STAMBP: variants seen among roughly 807,000 people sequenced by gnomAD.
STAMBP encodes the protein STAM-binding protein.
Under a neutral mutation model 50.7 loss-of-function variants are expected in STAMBP, and 31 were observed. The observed-to-expected ratio is 0.61, with a 90% CI of 0.46 to 0.83. STAMBP has a LOEUF of 0.83. STAMBP is among the 40% of genes least tolerant of loss of function. The pLI, the probability that STAMBP is intolerant of heterozygous loss-of-function variation, is 0.00. For synonymous variants in STAMBP, 211 were observed against 192.4 expected, an observed-to-expected ratio of 1.10 and a Z score of -0.80; for missense variants, 472 against 518.9, an observed-to-expected ratio of 0.91 and a Z score of 0.88.
Position 73,850,304 on chromosome 2 carries a change from C to G in STAMBP, c.868-72C>G. ...ACTTGTATAGATGCTTACCTTTCCA[C>G]TGTCGGGATGGAGTGGAGCAGGGTT... is the stretch of plus-strand genomic sequence containing the variant. On this transcript the variant is annotated intron_variant, in intron 6 of 9. Transcript: ENST00000394070. The surrounding 1 kb of genome is among the most constrained non-coding windows in gnomAD (Gnocchi z 4.3). 1 of 1,529,082 alleles carries G rather than the reference C, an allele frequency of 6.5e-7. No homozygotes were observed. The highest frequency in any genetic ancestry group is 8.8e-7 in the Non-Finnish European group (1 of 1,136,382). 94.7% of individuals were successfully genotyped at this position (1,529,082 alleles called of 1,614,324 possible). A position where few individuals can be genotyped will look rare whatever the true frequency, so the allele number is the denominator to read the frequency against.
At chr2:73,842,350 A>C (rs1675508838) in intron 2 of STAMBP, among the ~76,000 whole-genome samples, 1 of 152,204 alleles carries the variant, frequency 6.6e-6, no homozygotes, top group South Asian at 2.1e-4. Context: ...ACATTAGGTG[A>C]ACTGGCATGT....
chr2:73,834,209 TAAAAAAA>T (rs1171586160), intron 2 of STAMBP, among the ~76,000 whole-genome samples: 13 of 8,542 alleles, frequency 1.5e-3, no homozygotes, highest in African/African-American at 4.3e-3. Context: ...GATCATGTCT[TAAAAAAA>T]AAAAAAAAAA....
chr2:73,848,175 T>C (rs1008372580), intron 5 of STAMBP, among the ~76,000 whole-genome samples: 1 of 152,116 alleles, frequency 6.6e-6, no homozygotes. Flanking sequence ...TTTTTTTTTT[T>C]AAATATGAAA....
At chr2:73,832,990 T>C (rs1473196727) in intron 2 of STAMBP, among the ~76,000 whole-genome samples, 1 of 152,184 alleles carries the variant, frequency 6.6e-6, no homozygotes, top group Non-Finnish European at 1.5e-5. Flanking sequence ...TTAACAGAGT[T>C]TAATCCAGTA....
At chr2:73,845,633 A>AT (rs944316554) in intron 4 of STAMBP, among the ~76,000 whole-genome samples, 21,280 of 136,560 alleles carry the variant, frequency 0.16, 3,015 homozygotes, top group African/African-American at 0.38. Flanking sequence ...TTTTCAAGCT[A>AT]TTTTTTTTTT....
At chr2:73,872,851 C>T (rs1470232285) in intron 10 of STAMBP, among the ~76,000 whole-genome samples, 1 of 152,118 alleles carries the variant, frequency 6.6e-6, no homozygotes, top group African/African-American at 2.4e-5. Flanking sequence ...ATCTAGAAAT[C>T]AAGTATGCAA....
chr2:73,854,350 C>G (rs1250657344), intron 7 of STAMBP, among the ~76,000 whole-genome samples: 1 of 152,202 alleles, frequency 6.6e-6, no homozygotes, highest in Non-Finnish European at 1.5e-5. Flanking sequence ...AGTTTAGAAT[C>G]ATTACTGTAC....
intron 7 of STAMBP, among the ~76,000 whole-genome samples, chr2:73,854,013 T>G (rs1333709990): frequency 6.6e-6 from 1 of 152,240 alleles, no homozygotes; most frequent in Non-Finnish European, 1.5e-5. Flanking sequence ...CATTCTTGTG[T>G]GTAGTTTTCT....
rs1678626256 is a variant in STAMBP, at chr2:73,863,979, A to G, written c.*1720A>G. 1 of 152,216 alleles carries G rather than the reference A, an allele frequency of 6.6e-6. No homozygotes were observed. The highest frequency in any genetic ancestry group is 1.5e-5 in the Non-Finnish European group (1 of 68,052). The allele number at this position is 152,216 out of a possible 1,614,324, so 9.4% of individuals were successfully genotyped here. On this transcript the variant is annotated 3_prime_UTR_variant, in exon 10 of 10. Transcript: ENST00000394070. ...AATAGCTTCCCATTGCTGAAAATCT[A>G]AATTTAGCTTTTAGTCAGAACTTTC...
intron 2 of STAMBP, among the ~76,000 whole-genome samples, chr2:73,841,991 A>G (rs1675450219): frequency 6.6e-6 from 1 of 152,102 alleles, no homozygotes; most frequent in Non-Finnish European, 1.5e-5. Context: ...TTTTACTTAT[A>G]AACTAGATTT....
At chr2:73,839,273 A>G (rs1192671202) in intron 2 of STAMBP, among the ~76,000 whole-genome samples, 3 of 152,216 alleles carry the variant, frequency 2.0e-5, no homozygotes, top group Non-Finnish European at 4.4e-5. Context: ...TAGAAGAAAG[A>G]GTTCAGCATA....
At chr2:73,842,710 T>C (rs895592001) in intron 2 of STAMBP, among the ~76,000 whole-genome samples, 1 of 152,206 alleles carries the variant, frequency 6.6e-6, no homozygotes, top group African/African-American at 2.4e-5. Context: ...AAAGTCACAA[T>C]TTCCAAGAAC....
In STAMBP at chr2:73,862,148, A is replaced by C. The variant is rs556705679; in HGVS notation, c.1219-55A>C. ...CAAGACCCTATATGAAGAAAAAAAA[A>C]AAAAAGACTTTTCAGAATTTTCTAG... On this transcript the variant is annotated intron_variant, in intron 9 of 9. Transcript: ENST00000394070. 1.2e-5 allele frequency: 19 copies of C among 1,547,794 alleles called. No individual in the cohort carries two copies. In the South Asian group the frequency reaches 1.9e-4, roughly 16 times the overall value.
chr2:73,845,270 T>C lies in STAMBP; in HGVS notation c.375+8T>C, dbSNP rs1675922387. On this transcript the variant is annotated splice_region_variant and intron_variant, in intron 4 of 9. Transcript: ENST00000394070. ...GAATATAATGAAGAAAAGGTCAGTA[T>C]ATAACAGCTAAGAAGAAAATTATTT... 1 of 1,582,740 alleles carries C rather than the reference T, an allele frequency of 6.3e-7. No individual in the cohort carries two copies. Among genetic ancestry groups the C allele is most frequent in the African/African-American group, 1.4e-5 (1 of 73,904 alleles).
chr2:73,833,566 C>T (rs1674222841), intron 2 of STAMBP, among the ~76,000 whole-genome samples: 1 of 152,046 alleles, frequency 6.6e-6, no homozygotes, highest in Non-Finnish European at 1.5e-5. Context: ...ATTGTTCTCT[C>T]AGAATGAAAC....
chr2:73,829,467 G>T lies in STAMBP; in HGVS notation c.-56G>T, dbSNP rs1415295624. 1 of 152,216 alleles carries T rather than the reference G, an allele frequency of 6.6e-6. No individual in the cohort carries two copies. The highest frequency in any genetic ancestry group is 1.5e-5 in the Non-Finnish European group (1 of 68,086). 9.4% of individuals were successfully genotyped at this position (152,216 alleles called of 1,614,324 possible). Reference sequence around the variant, plus strand: ...GTAACCGGCGCCGCTTCCTGGCCTTGGGAGGTGGTTCCTTTCTTAACCCAC... The same window carrying T: ...GTAACCGGCGCCGCTTCCTGGCCTTTGGAGGTGGTTCCTTTCTTAACCCAC... On this transcript the variant is annotated 5_prime_UTR_variant, in exon 1 of 10. Coordinates refer to ENST00000394070, the MANE Select transcript of STAMBP (RefSeq NM_213622.4).
At position 73,850,355 on chromosome 2, in the gene STAMBP, A is replaced by G. The variant is rs1676656267; in HGVS notation, c.868-21A>G. ...GCATGAGCACCAGGGAATTGTGACC[A>G]GCTGTTTTCTCCTTTGGCAGATGAG... On this transcript the variant is annotated intron_variant, in intron 6 of 9. Coordinates refer to ENST00000394070, the MANE Select transcript of STAMBP (RefSeq NM_213622.4). The surrounding 1 kb of genome is among the most constrained non-coding windows in gnomAD (Gnocchi z 4.3). The G allele has an allele frequency of 3.1e-6, 5 of 1,596,326 alleles. No individual in the cohort carries two copies. Among genetic ancestry groups the G allele is most frequent in the African/African-American group, 1.3e-5 (1 of 74,256 alleles).
intron 2 of STAMBP, among the ~76,000 whole-genome samples, chr2:73,843,575 A>C (rs532544270): frequency 6.6e-6 from 1 of 152,012 alleles, no homozygotes; most frequent in East Asian, 1.9e-4. Context: ...AGCCTCTTTT[A>C]TATCTTCTTC....
intron 7 of STAMBP, among the ~76,000 whole-genome samples, chr2:73,855,238 A>G (rs1677401886): frequency 6.6e-6 from 1 of 152,130 alleles, no homozygotes; most frequent in African/African-American, 2.4e-5. Context: ...TTTCCCTCTT[A>G]GGTACCCAGG....
Sources: gnomAD v4.1 joint callset for allele counts (sites outside exome capture counted in the v4.1 genomes callset) on GRCh38, gnomAD v4.1.1 for gene constraint, Gnocchi (gnomAD v3.1) non-coding constraint, MANE v1.5 for transcripts, NCBI Gene and HGNC (gene_info 2026-07-23, HGNC 2026-07-21) for gene names.